The following MAP2 variants were observed in gnomAD, a reference collection of about 807,000 sequenced individuals.
MAP2 encodes the protein microtubule associated protein 2.
In MAP2, 14 loss-of-function variants were observed where a neutral mutation model predicts 137.6. The ratio of observed to expected loss-of-function variants is 0.10; its 90% CI spans 0.07 to 0.16. The LOEUF is 0.16. Among genes scored for constraint, MAP2 ranks in the 10% least tolerant of loss-of-function variants. The pLI is 1.00. For missense variants in MAP2, 2,088 were observed against 2,191.5 expected, an observed-to-expected ratio of 0.95 and a Z score of 0.94; for synonymous variants, 786 against 782.3, an observed-to-expected ratio of 1.00 and a Z score of -0.08.
At chr2:209,619,721 G>A (rs2663644) in intron 3 of MAP2, among the ~76,000 whole-genome samples, 12,108 of 152,056 alleles carry the variant, frequency 0.08, 1,207 homozygotes, top group South Asian at 0.23. Context: ...GATATCACCA[G>A]GCATTGTTAT....
chr2:209,658,244 A>T (rs1285347808), intron 5 of MAP2, among the ~76,000 whole-genome samples: 2 of 152,140 alleles, frequency 1.3e-5, no homozygotes, highest in African/African-American at 4.8e-5. Context: ...CAGAAAAGCA[A>T]TTGATTTCTG....
intron 2 of MAP2, among the ~76,000 whole-genome samples, chr2:209,556,133 C>T (rs1362675083): frequency 1.1e-4 from 17 of 151,106 alleles, no homozygotes; most frequent in Admixed American, 4.0e-4. Flanking sequence ...CTCCAACTCC[C>T]GGGCTCAAGT....
intron 1 of MAP2, among the ~76,000 whole-genome samples, chr2:209,500,495 T>C (rs2060246200): frequency 6.6e-6 from 1 of 152,196 alleles, no homozygotes; most frequent in Admixed American, 6.5e-5. Context: ...CTAACTCAAA[T>C]GCAACTTCCT....
intron 3 of MAP2, among the ~76,000 whole-genome samples, chr2:209,614,581 G>A (rs17726953): frequency 0.036 from 5,465 of 152,142 alleles, 169 homozygotes; most frequent in Middle Eastern, 0.082. Flanking sequence ...ATATTTCAAG[G>A]CTTGCTTTTA....
chr2:209,621,215 A>G (rs2091050240), intron 3 of MAP2, among the ~76,000 whole-genome samples: 1 of 151,472 alleles, frequency 6.6e-6, no homozygotes, highest in Non-Finnish European at 1.5e-5. Context: ...ACAGAAAGAC[A>G]GAAAGAAAGA....
chr2:209,453,282 G>A (rs568926114), intron 1 of MAP2, among the ~76,000 whole-genome samples: 5 of 152,004 alleles, frequency 3.3e-5, no homozygotes, highest in Admixed American at 6.6e-5. Context: ...TATCTATCTC[G>A]TATTTTCTTT....
chr2:209,617,782 G>T lies in MAP2; in HGVS notation c.-106-7271G>T, dbSNP rs549486095. ...GGACTTCAATATATGAATGTTGGGG[G>T]TGGGGGAGGATATAATACAGTCCAC... On this transcript the variant is annotated intron_variant, in intron 3 of 15. Transcript: ENST00000682079. Among the ~76,000 whole-genome samples the T allele has an allele frequency of 5.9e-5, 9 of 152,146 alleles. No homozygotes were observed. In the South Asian group the frequency reaches 1.2e-3, roughly 21 times the overall value.
intron 13 of MAP2, among the ~76,000 whole-genome samples, chr2:209,717,948 T>A (rs1218862599): frequency 3.3e-5 from 5 of 152,194 alleles, no homozygotes; most frequent in Non-Finnish European, 7.4e-5. Flanking sequence ...AGAGGACTCA[T>A]AAAATACCCT....
At position 209,694,941 on chromosome 2, in the gene MAP2, G is replaced by A. The variant is rs770935951; in HGVS notation, c.2771G>A (p.Arg924Lys). 1 of 1,614,166 alleles carries A rather than the reference G, an allele frequency of 6.2e-7. No homozygotes were observed. The highest frequency in any genetic ancestry group is 1.1e-5 in the South Asian group (1 of 91,082). ...LIEVKLAAAG[R>K]VKDEFSVDKE... is the part of the protein sequence containing the mutation. ...GAAGTGAAACTGGCAGCAGCCGGAAGAGTCAAAGATGAGTTCAGTGTTGAC... is the reference window on the plus strand; with the variant it reads ...GAAGTGAAACTGGCAGCAGCCGGAAAAGTCAAAGATGAGTTCAGTGTTGAC... Residue 924 changes from arginine (R) to lysine (K), a missense_variant, in exon 8 of 16, where the codon AGA becomes AAA. This residue lies in a region of MAP2 where 500 missense variants were observed against 482.9 expected (regional missense o/e 1.04). Coordinates refer to ENST00000682079, the MANE Select transcript of MAP2 (RefSeq NM_001375505.1).
At chr2:209,554,786 G>T (rs16843080) in intron 2 of MAP2, among the ~76,000 whole-genome samples, 1 of 151,040 alleles carries the variant, frequency 6.6e-6, no homozygotes, top group African/African-American at 2.4e-5. Context: ...ATAAAAGCTC[G>T]TTTTGGGACT....
At chr2:209,521,960 C>T (rs962504069) in intron 2 of MAP2, among the ~76,000 whole-genome samples, 3 of 152,004 alleles carry the variant, frequency 2.0e-5, no homozygotes, top group Admixed American at 1.3e-4. Flanking sequence ...TTTTGACAAG[C>T]CATATTTTTA....
chr2:209,471,341 C>T (rs1425963731), intron 1 of MAP2, among the ~76,000 whole-genome samples: 1 of 152,162 alleles, frequency 6.6e-6, no homozygotes, highest in African/African-American at 2.4e-5. Flanking sequence ...TACCTGTCTT[C>T]TCTACTAGAT....
chr2:209,729,967 G>A lies in MAP2; in HGVS notation c.5268+5G>A, dbSNP rs1370443882. 2 of 1,571,804 alleles carry A rather than the reference G, an allele frequency of 1.3e-6. No individual in the cohort carries two copies. Among genetic ancestry groups the A allele is most frequent in the East Asian group, 2.2e-5 (1 of 44,456 alleles). ...CCTGGAGGTGGTAATGTCAAGGTAA[G>A]AAACAAGGTTATGAGCCAATCTTGT... is the stretch of plus-strand genomic sequence containing the variant. On this transcript the variant is annotated splice_donor_5th_base_variant and intron_variant, in intron 15 of 15. Transcript: ENST00000682079.
At chr2:209,554,019 G>A (rs2069872157) in intron 2 of MAP2, among the ~76,000 whole-genome samples, 1 of 152,162 alleles carries the variant, frequency 6.6e-6, no homozygotes, top group Admixed American at 6.5e-5. Flanking sequence ...GCTGGGTCCA[G>A]CATATACACC....
At chr2:209,705,980 A>G (rs971233111) in intron 12 of MAP2, among the ~76,000 whole-genome samples, 10 of 152,184 alleles carry the variant, frequency 6.6e-5, no homozygotes, top group Admixed American at 5.2e-4. Flanking sequence ...CTCTAAGAAT[A>G]TATTTTTCTT....
rs117806123 is a variant in MAP2, at chr2:209,481,209, G to A, written c.-221-26383G>A. Among the ~76,000 whole-genome samples the A allele has an allele frequency of 2.2e-3, 342 of 152,308 alleles. 4 individuals carry two copies. Among genetic ancestry groups the A allele is most frequent in the Non-Finnish European group, 1.6e-3 (106 of 68,022 alleles). On this transcript the variant is annotated intron_variant, in intron 1 of 15. Transcript: ENST00000682079. ...GGGAAGGAGAAGGAAACAGGAATGG[G>A]CAGAGGGAGAACTTGAGCTGCTTTG...
chr2:209,520,040 C>G (rs935342084), intron 2 of MAP2, among the ~76,000 whole-genome samples: 1 of 152,066 alleles, frequency 6.6e-6, no homozygotes, highest in Non-Finnish European at 1.5e-5. Context: ...GTGCATTTAA[C>G]TTAAACTGCT....
intron 2 of MAP2, among the ~76,000 whole-genome samples, chr2:209,514,121 G>C (rs2062116458): frequency 1.3e-5 from 2 of 151,912 alleles, no homozygotes. Flanking sequence ...AATCTTTCCA[G>C]AATCTCAAAG....
Position 209,516,307 on chromosome 2 carries a change from T to C in MAP2, c.-172+8666T>C, listed in dbSNP as rs2062492993. Among the ~76,000 whole-genome samples the C allele has an allele frequency of 4.6e-5, 7 of 152,266 alleles. No individual in the cohort carries two copies. The South Asian group carries it at 1.5e-3, about 32-fold the overall frequency. Reference sequence around the variant, plus strand: ...AGAGAGTGGGCTTGATGTCATTTGCTTAAAGATGCTTCACCTAGAATGAAT... The same window carrying C: ...AGAGAGTGGGCTTGATGTCATTTGCCTAAAGATGCTTCACCTAGAATGAAT... On this transcript the variant is annotated intron_variant, in intron 2 of 15. Coordinates refer to ENST00000682079, the MANE Select transcript of MAP2 (RefSeq NM_001375505.1).
Sources: gnomAD v4.1 joint callset for allele counts (sites outside exome capture counted in the v4.1 genomes callset) on GRCh38, gnomAD v4.1.1 for gene constraint, gnomAD v4.1.1 regional missense constraint, MANE v1.5 for transcripts, NCBI Gene and HGNC (gene_info 2026-07-23, HGNC 2026-07-21) for gene names.